The following ANXA8 variants were observed in gnomAD, a reference collection of about 807,000 sequenced individuals.
ANXA8 encodes VAC-beta.
ANXA8 carries 9 observed loss-of-function variants against 26.8 expected under a neutral mutation model. The ratio of observed to expected loss-of-function variants is 0.34; its 90% confidence interval spans 0.20 to 0.59. The LOEUF is 0.59. ANXA8 is among the 20% of genes least tolerant of loss of function. ANXA8 has a pLI of 0.84. For synonymous variants in ANXA8, 39 were observed against 94.8 expected (o/e 0.41, Z 3.42); for missense variants, 83 against 238.5 (o/e 0.35, Z 4.29).
the ANXA8 span, among the ~76,000 whole-genome samples, chr10:47,585,570 G>A: frequency 6.9e-6 from 1 of 145,946 alleles, no homozygotes; most frequent in East Asian, 2.0e-4. Context: ...CAGGAAGGCA[G>A]CACCTGCTGA....
At chr10:47,706,032 G>T in the ANXA8 span, among the ~76,000 whole-genome samples, 13 of 151,952 alleles carry the variant, frequency 8.6e-5, no homozygotes, top group African/African-American at 3.1e-4. Flanking sequence ...CCGCGCGGTC[G>T]GTTCCGGGCG....
At chr10:47,939,012 G>A in the ANXA8 span, among the ~76,000 whole-genome samples, 1 of 144,012 alleles carries the variant, frequency 6.9e-6, no homozygotes, top group South Asian at 2.2e-4. Flanking sequence ...CTTCCCCTCA[G>A]AGCCAAGCCC....
At chr10:47,577,219 C>A in the ANXA8 span, among the ~76,000 whole-genome samples, 1 of 73,932 alleles carries the variant, frequency 1.4e-5, no homozygotes, top group Non-Finnish European at 2.9e-5. Context: ...AGCAAGACTC[C>A]ATCTCAAAAA....
chr10:47,982,140 A>G, the ANXA8 span, among the ~76,000 whole-genome samples: 210 of 151,544 alleles, frequency 1.4e-3, 4 homozygotes, highest in Non-Finnish European at 2.6e-3. Context: ...ATAAAAAAAG[A>G]TTAGCTGGGT....
chr10:47,677,011 C>T, the ANXA8 span, among the ~76,000 whole-genome samples: 2 of 139,838 alleles, frequency 1.4e-5, no homozygotes, highest in Non-Finnish European at 3.0e-5. Flanking sequence ...AAAAAAACAA[C>T]CTGTTAACCT....
the ANXA8 span, among the ~76,000 whole-genome samples, chr10:47,666,125 G>C: frequency 4.0e-5 from 6 of 148,642 alleles, no homozygotes; most frequent in Non-Finnish European, 8.9e-5. Context: ...TTTACTAGTT[G>C]TTTTTCCTAT....
the ANXA8 span, chr10:47,760,998 G>T: frequency 1.3e-5 from 19 of 1,455,252 alleles, no homozygotes; most frequent in Non-Finnish European, 1.6e-5. Flanking sequence ...GCTCAGCCAG[G>T]ACGGTTGAGC....
chr10:47,960,411 T>C, the ANXA8 span, among the ~76,000 whole-genome samples: 1 of 146,416 alleles, frequency 6.8e-6, no homozygotes, highest in Non-Finnish European at 1.5e-5. Flanking sequence ...GGCTGTATCA[T>C]GCACAGCCTG....
At chr10:47,701,661 C>A in the ANXA8 span, among the ~76,000 whole-genome samples, 9 of 151,708 alleles carry the variant, frequency 5.9e-5, 3 homozygotes. Flanking sequence ...TAAGAAAATA[C>A]CTCTGTTTAT....
chr10:47,768,351 G>T, the ANXA8 span, among the ~76,000 whole-genome samples: 7 of 151,630 alleles, frequency 4.6e-5, no homozygotes, highest in South Asian at 4.1e-4. Flanking sequence ...AGGGCAGAAA[G>T]ACTTTGTTTT....
At chr10:47,587,813 T>C in the ANXA8 span, among the ~76,000 whole-genome samples, 1 of 146,290 alleles carries the variant, frequency 6.8e-6, no homozygotes, top group South Asian at 2.1e-4. Flanking sequence ...ACTGAAAAGA[T>C]GCCGAGTCTA....
the ANXA8 span, among the ~76,000 whole-genome samples, chr10:47,524,181 C>T: frequency 5.6e-4 from 79 of 141,832 alleles, no homozygotes; most frequent in South Asian, 2.3e-3. Flanking sequence ...GCTTCCTCTA[C>T]GAGTTCTACA....
the ANXA8 span, among the ~76,000 whole-genome samples, chr10:47,743,311 T>TATATATACATATATATATAC: frequency 5.2e-5 from 1 of 19,198 alleles, no homozygotes; most frequent in African/African-American, 9.4e-5. Context: ...TATATATATA[T>TATATATACATATATATATAC]ACACATATAT....
chr10:47,652,149 T>A, the ANXA8 span, among the ~76,000 whole-genome samples: 13 of 151,894 alleles, frequency 8.6e-5, no homozygotes, highest in Non-Finnish European at 1.0e-4. Flanking sequence ...AGGGAGGCAA[T>A]TGGGAATGAC....
At chr10:47,972,616 T>G in the ANXA8 span, among the ~76,000 whole-genome samples, 11 of 102,958 alleles carry the variant, frequency 1.1e-4, 1 homozygote, top group African/African-American at 4.0e-4. Context: ...GAGCCATTTT[T>G]TCAGCATCAC....
chr10:47,658,188 A>G, the ANXA8 span, among the ~76,000 whole-genome samples: 1 of 151,718 alleles, frequency 6.6e-6, no homozygotes, highest in Admixed American at 6.6e-5. Flanking sequence ...GCTAACATGG[A>G]GAAACCCCAT....
upstream of ANXA8, chr10:47,487,133 C>A: frequency 7.1e-7 from 1 of 1,403,278 alleles, no homozygotes; most frequent in South Asian, 1.4e-5. Context: ...AAGTGTACAC[C>A]ATAAATATGT....
chr10:47,672,619 A>T, the ANXA8 span, among the ~76,000 whole-genome samples: 2 of 151,918 alleles, frequency 1.3e-5, no homozygotes, highest in Non-Finnish European at 2.9e-5. Flanking sequence ...AAATGGGACA[A>T]ATACATTTCA....
the ANXA8 span, among the ~76,000 whole-genome samples, chr10:47,772,531 T>G: frequency 6.6e-6 from 1 of 152,108 alleles, no homozygotes; most frequent in Admixed American, 6.5e-5. Flanking sequence ...GGGAGACTGG[T>G]TGAAGGAAGA....
Sources: allele counts gnomAD v4.1 joint callset (sites outside exome capture counted in the v4.1 genomes callset), GRCh38; gene constraint gnomAD v4.1.1; transcripts MANE v1.5; gene names NCBI Gene and HGNC (gene_info 2026-07-23, HGNC 2026-07-21).